BCAT1: variants seen among roughly 807,000 people sequenced by gnomAD.
BCAT1 encodes the protein branched-chain-amino-acid aminotransferase, cytosolic.
BCAT1 carries 48 observed loss-of-function variants against 52.4 expected under a neutral mutation model. That is an observed-to-expected ratio of 0.92 (90% CI 0.73 to 1.16). The LOEUF (loss-of-function observed/expected upper bound fraction) is 1.16. BCAT1 is among the 50% of genes most tolerant of loss of function. The pLI is 0.00. For missense variants in BCAT1, 451 were observed against 457.1 expected (o/e 0.99, Z 0.12); for synonymous variants, 167 against 161.3 (o/e 1.04, Z -0.27).
At chr12:24,867,872 G>T (rs910719409) in intron 5 of BCAT1, among the ~76,000 whole-genome samples, 20 of 152,116 alleles carry the variant, frequency 1.3e-4, no homozygotes, top group Non-Finnish European at 2.9e-5. Context: ...GAGCATGGTG[G>T]CACATGCCTG....
chr12:24,834,743 G>A (rs1940845991), intron 8 of BCAT1: 2 of 1,136,658 alleles, frequency 1.8e-6, no homozygotes, highest in African/African-American at 3.3e-5. Context: ...CAATTATGTT[G>A]TTCAAAAGTA....
At chr12:24,878,764 A>G in intron 4 of BCAT1, 115 bp from the exon 5 acceptor site, 1 of 1,041,012 alleles carries the variant, frequency 9.6e-7, no homozygotes, top group Non-Finnish European at 1.3e-6. Flanking sequence ...AACACAAAAA[A>G]ATAAGAAATG....
intron 2 of BCAT1, among the ~76,000 whole-genome samples, chr12:24,896,660 G>C (rs1313241580): frequency 6.6e-6 from 1 of 150,978 alleles, no homozygotes; most frequent in African/African-American, 2.4e-5. Context: ...CCAGCTACTT[G>C]GGAGGCTGAG....
At chr12:24,886,843 A>G (rs983390508) in intron 3 of BCAT1, among the ~76,000 whole-genome samples, 9 of 150,104 alleles carry the variant, frequency 6.0e-5, no homozygotes, top group Admixed American at 5.3e-4. Flanking sequence ...AAAAAAAAAA[A>G]AAAAAGAGGC....
intron 1 of BCAT1, among the ~76,000 whole-genome samples, chr12:24,934,543 G>A (rs1346520402): frequency 1.3e-5 from 2 of 152,076 alleles, no homozygotes; most frequent in African/African-American, 2.4e-5. Flanking sequence ...GAAAAGAAGA[G>A]GGTACAAACT....
chr12:24,898,520 C>CTTTTTTTATTTTTTTTTTT (rs1943012748), intron 2 of BCAT1, among the ~76,000 whole-genome samples: 1 of 38,536 alleles, frequency 2.6e-5, no homozygotes, highest in Non-Finnish European at 4.4e-5. Flanking sequence ...TCAGTCAACA[C>CTTTTTTTATTTTTTTTTTT]TTTTTTTTTT....
At chr12:24,939,425 A>C (rs915462942) in intron 1 of BCAT1, among the ~76,000 whole-genome samples, 4 of 152,240 alleles carry the variant, frequency 2.6e-5, no homozygotes, top group African/African-American at 9.6e-5. Flanking sequence ...TAATGTGTAT[A>C]CTATGAAGTA....
chr12:24,909,391 G>A (rs1943278719), intron 1 of BCAT1, among the ~76,000 whole-genome samples: 1 of 152,134 alleles, frequency 6.6e-6, no homozygotes, highest in Non-Finnish European at 1.5e-5. Flanking sequence ...CTTATTCAAT[G>A]CCAAGTCCCA....
intron 1 of BCAT1, among the ~76,000 whole-genome samples, chr12:24,937,081 A>G (rs1466751648): frequency 6.6e-6 from 1 of 152,206 alleles, no homozygotes; most frequent in Non-Finnish European, 1.5e-5. Context: ...CTCTCAAGAA[A>G]TGTATGGTCT....
chr12:24,845,132 C>G (rs535926906), intron 6 of BCAT1, among the ~76,000 whole-genome samples: 3 of 150,752 alleles, frequency 2.0e-5, no homozygotes, highest in Non-Finnish European at 4.4e-5. Flanking sequence ...GAGCACCACT[C>G]ACACCAGGGA....
intron 1 of BCAT1, among the ~76,000 whole-genome samples, chr12:24,927,983 T>A (rs1436470265): frequency 6.6e-6 from 1 of 152,224 alleles, no homozygotes; most frequent in Admixed American, 6.5e-5. Flanking sequence ...AAGACCGGTA[T>A]GATCTGTAAT....
At chr12:24,922,533 A>T (rs1943512597) in intron 1 of BCAT1, among the ~76,000 whole-genome samples, 1 of 152,182 alleles carries the variant, frequency 6.6e-6, no homozygotes, top group Non-Finnish European at 1.5e-5. Context: ...GTGATTCTCT[A>T]AGTTGATTCA....
At position 24,818,056 on chromosome 12, in the gene BCAT1, C is replaced by G; in HGVS notation, c.1120-7G>C. ...CGCTCTCTTCTCTTCCATACTGCAA[C>G]AAAAGCAAGAAAACGTGTTTCAGTA... On this transcript the variant is annotated splice_region_variant and splice_polypyrimidine_tract_variant and intron_variant, in intron 10 of 10. Transcript: ENST00000261192. 1 of 1,612,206 alleles carries G rather than the reference C, an allele frequency of 6.2e-7. No homozygotes were observed. Among genetic ancestry groups the G allele is most frequent in the Non-Finnish European group, 8.5e-7 (1 of 1,178,690 alleles).
chr12:24,932,528 AT>A (rs1421612169), intron 1 of BCAT1, among the ~76,000 whole-genome samples: 3 of 152,354 alleles, frequency 2.0e-5, no homozygotes, highest in African/African-American at 7.2e-5. Flanking sequence ...CTGACTGAAA[AT>A]ATTTGATATG....
At chr12:24,931,780 G>GA (rs1488696863) in intron 1 of BCAT1, among the ~76,000 whole-genome samples, 1 of 152,140 alleles carries the variant, frequency 6.6e-6, no homozygotes, top group African/African-American at 2.4e-5. Flanking sequence ...AAAACAACTA[G>GA]AGCATACGTG....
intron 3 of BCAT1, among the ~76,000 whole-genome samples, chr12:24,893,944 T>C (rs1942900898): frequency 6.6e-6 from 1 of 152,248 alleles, no homozygotes; most frequent in African/African-American, 2.4e-5. Context: ...CCTTTCTCAA[T>C]TATTAGAAGA....
At chr12:24,853,992 TAAAG>T (rs369527692) in intron 5 of BCAT1, among the ~76,000 whole-genome samples, 3 of 152,294 alleles carry the variant, frequency 2.0e-5, no homozygotes, top group African/African-American at 7.2e-5. Flanking sequence ...TTTAAAAAAA[TAAAG>T]ACTTTTTTTA....
intron 3 of BCAT1, among the ~76,000 whole-genome samples, chr12:24,882,140 C>G (rs1413906222): frequency 6.6e-6 from 1 of 152,176 alleles, no homozygotes; most frequent in African/African-American, 2.4e-5. Context: ...ACAGGAAGAA[C>G]AAACTTCCCT....
intron 5 of BCAT1, among the ~76,000 whole-genome samples, chr12:24,859,562 A>T (rs747448588): frequency 3.5e-5 from 5 of 144,510 alleles, no homozygotes; most frequent in South Asian, 4.4e-4. Flanking sequence ...CGGAGCTTGC[A>T]GTGAGCCGAG....
Sources: gnomAD v4.1 joint callset for allele counts (sites outside exome capture counted in the v4.1 genomes callset) on GRCh38, gnomAD v4.1.1 for gene constraint, MANE v1.5 for transcripts, NCBI Gene and HGNC (gene_info 2026-07-23, HGNC 2026-07-21) for gene names.